SEMA5A: variants seen among roughly 807,000 people sequenced by gnomAD.
SEMA5A encodes the protein semaphorin-5A.
In SEMA5A, 55 loss-of-function variants were observed where a neutral mutation model predicts 135.5. The ratio of observed to expected loss-of-function variants is 0.41; its 90% CI spans 0.33 to 0.51. SEMA5A has a LOEUF of 0.51. Among genes scored for constraint, SEMA5A ranks in the 20% least tolerant of loss-of-function variants. The pLI is 0.37. For missense variants in SEMA5A, 1,290 were observed against 1,419.9 expected, an observed-to-expected ratio of 0.91 and a Z score of 1.47; for synonymous variants, 580 against 546.5, an observed-to-expected ratio of 1.06 and a Z score of -0.85.
chr5:9,097,340 TAC>T (rs1271605647), intron 16 of SEMA5A, among the ~76,000 whole-genome samples: 5 of 152,196 alleles, frequency 3.3e-5, no homozygotes, highest in African/African-American at 1.2e-4. Flanking sequence ...AGATTCTAGG[TAC>T]AGAGTGTGAG....
chr5:9,529,724 A>G (rs1283758669), intron 1 of SEMA5A, among the ~76,000 whole-genome samples: 3 of 152,216 alleles, frequency 2.0e-5, no homozygotes, highest in African/African-American at 7.2e-5. Context: ...CCATGGGTAT[A>G]TGAAAGTAAA....
At chr5:9,430,450 T>C (rs1757817049) in intron 2 of SEMA5A, among the ~76,000 whole-genome samples, 2 of 152,186 alleles carry the variant, frequency 1.3e-5, no homozygotes, top group Admixed American at 1.3e-4. Flanking sequence ...AAGAGATTTC[T>C]AAATGGTGAG....
intron 12 of SEMA5A, among the ~76,000 whole-genome samples, chr5:9,149,169 C>T (rs1350018518): frequency 1.3e-5 from 2 of 152,154 alleles, no homozygotes; most frequent in South Asian, 2.1e-4. Context: ...CTTGCTTGAC[C>T]CACACATCTA....
At chr5:9,237,949 T>G in intron 5 of SEMA5A, 59 bp from the exon 6 acceptor site, 1 of 1,523,396 alleles carries the variant, frequency 6.6e-7, no homozygotes, top group Admixed American at 1.7e-5. Flanking sequence ...AGGGAAAATA[T>G]AAACAAGGTA....
chr5:9,506,646 TACAA>T, intron 1 of SEMA5A, among the ~76,000 whole-genome samples: 1 of 152,322 alleles, frequency 6.6e-6, no homozygotes, highest in South Asian at 2.1e-4. Context: ...ATGCATCCCT[TACAA>T]ATTGTGGGCA....
intron 10 of SEMA5A, 23 bp downstream of exon 10, chr5:9,197,145 C>A: frequency 6.2e-7 from 1 of 1,613,768 alleles, no homozygotes; most frequent in Non-Finnish European, 8.5e-7. Flanking sequence ...GCCAACAGTG[C>A]CCCTTTGCCC....
At chr5:9,475,396 G>C (rs1220364271) in intron 1 of SEMA5A, among the ~76,000 whole-genome samples, 1 of 152,178 alleles carries the variant, frequency 6.6e-6, no homozygotes, top group Non-Finnish European at 1.5e-5. Flanking sequence ...ATTTTCCAAA[G>C]AAAGGACCGT....
At position 9,042,839 on chromosome 5, in the gene SEMA5A, A is replaced by T; in HGVS notation, c.*58T>A. On this transcript the variant is annotated 3_prime_UTR_variant, in exon 23 of 23. Coordinates refer to ENST00000382496, the MANE Select transcript of SEMA5A (RefSeq NM_003966.3). ...TGAAGCCTCAGAAACATGGGCAGTCATGGGGCACAGGCCTTGAGGAACTGG... is the reference window on the plus strand; with the variant it reads ...TGAAGCCTCAGAAACATGGGCAGTCTTGGGGCACAGGCCTTGAGGAACTGG... 2 of 1,602,536 alleles carry T rather than the reference A, an allele frequency of 1.2e-6. No individual in the cohort carries two copies. The highest frequency in any genetic ancestry group is 1.7e-6 in the Non-Finnish European group (2 of 1,171,320).
At chr5:9,506,016 C>T (rs569161712) in intron 1 of SEMA5A, among the ~76,000 whole-genome samples, 84 of 151,532 alleles carry the variant, frequency 5.5e-4, no homozygotes, top group African/African-American at 2.0e-3. Flanking sequence ...TGGTCCTCAA[C>T]CTCATGTGAA....
At chr5:9,305,728 T>TATATGTATATATATATATATATA (rs1287444762) in intron 5 of SEMA5A, among the ~76,000 whole-genome samples, 10 of 95,000 alleles carry the variant, frequency 1.1e-4, no homozygotes, top group African/African-American at 4.0e-4. Flanking sequence ...ATATATATAT[T>TATATGTATATATATATATATATA]TACACGCACA....
chr5:9,164,485 C>G (rs935938114), intron 11 of SEMA5A, among the ~76,000 whole-genome samples: 1 of 151,626 alleles, frequency 6.6e-6, no homozygotes, highest in African/African-American at 2.4e-5. Flanking sequence ...ATCTTTTTAA[C>G]CTTGTACTAT....
intron 3 of SEMA5A, among the ~76,000 whole-genome samples, chr5:9,363,089 A>G (rs1213455841): frequency 6.6e-6 from 1 of 152,232 alleles, no homozygotes; most frequent in Admixed American, 6.5e-5. Context: ...TCAAAAAAGC[A>G]GAATTGTTCA....
At chr5:9,182,149 G>GTCC (rs1395291106) in intron 11 of SEMA5A, among the ~76,000 whole-genome samples, 1 of 123,080 alleles carries the variant, frequency 8.1e-6, no homozygotes, top group African/African-American at 3.6e-5. Flanking sequence ...TATTGCTTCT[G>GTCC]CCCCCCACCC....
chr5:9,540,643 C>A (rs1198219448), intron 1 of SEMA5A, among the ~76,000 whole-genome samples: 1 of 152,014 alleles, frequency 6.6e-6, no homozygotes, highest in Non-Finnish European at 1.5e-5. Context: ...TACAACAAAC[C>A]TAAATCTCAG....
intron 3 of SEMA5A, among the ~76,000 whole-genome samples, chr5:9,377,254 T>G (rs914689209): frequency 6.6e-6 from 1 of 152,206 alleles, no homozygotes; most frequent in African/African-American, 2.4e-5. Flanking sequence ...CATAAATATA[T>G]ATTTGTATGT....
rs1349704451 is a variant in SEMA5A, at chr5:9,051,890, T to A, written c.2828A>T (p.Asp943Val). Residue 943 changes from aspartate to valine, a missense_variant, in exon 20 of 23, where the codon GAC becomes GTC. Asp to Val is a radical substitution (Grantham distance 152). Coordinates refer to ENST00000382496, the MANE Select transcript of SEMA5A (RefSeq NM_003966.3). Reference protein sequence around the residue: ...NTTESRPCVFDSNFIPEVSVA... With the variant: ...NTTESRPCVFVSNFIPEVSVA... ...GCTCTTACCTGGGATGAAATTAGAG[T>A]CAAACACACACGGCCGGCTCTCCGT... is the stretch of plus-strand genomic sequence containing the variant. 6.2e-7 allele frequency: 1 copy of A among 1,613,974 alleles called. No homozygotes were observed. The highest frequency in any genetic ancestry group is 1.3e-5 in the African/African-American group (1 of 74,906).
intron 8 of SEMA5A, among the ~76,000 whole-genome samples, chr5:9,205,943 AT>A (rs1174147049): frequency 6.6e-6 from 1 of 152,240 alleles, no homozygotes; most frequent in Non-Finnish European, 1.5e-5. Context: ...AGTGGGAATA[AT>A]TGTAAGACAG....
intron 5 of SEMA5A, among the ~76,000 whole-genome samples, chr5:9,267,915 A>G (rs1749767082): frequency 6.6e-6 from 1 of 152,142 alleles, no homozygotes; most frequent in Admixed American, 6.5e-5. Flanking sequence ...TCATGATAAA[A>G]AGCTTTTTTC....
At chr5:9,091,023 C>G (rs565169190) in intron 16 of SEMA5A, among the ~76,000 whole-genome samples, 1 of 152,200 alleles carries the variant, frequency 6.6e-6, no homozygotes, top group Non-Finnish European at 1.5e-5. Context: ...TCATTTTTAC[C>G]TTCAGTGCTT....
Sources: gnomAD v4.1 joint callset for allele counts (sites outside exome capture counted in the v4.1 genomes callset) on GRCh38, gnomAD v4.1.1 for gene constraint, MANE v1.5 for transcripts, NCBI Gene and HGNC (gene_info 2026-07-23, HGNC 2026-07-21) for gene names.